Variants in PTPRO observed in about 807,000 individuals in gnomAD.
The protein encoded by PTPRO is protein tyrosine phosphatase receptor type O.
In PTPRO, 62 loss-of-function variants were observed where a neutral mutation model predicts 145.2. That is an observed-to-expected ratio of 0.43 (90% CI 0.35 to 0.53). The LOEUF (loss-of-function observed/expected upper bound fraction) is 0.53. Among genes scored for constraint, PTPRO ranks in the 20% least tolerant of loss-of-function variants. PTPRO has a pLI of 0.01. For missense variants in PTPRO, 1,345 were observed against 1,482.7 expected (o/e 0.91, Z 1.53); for synonymous variants, 565 against 514.7 (o/e 1.10, Z -1.32).
intron 8 of PTPRO, 124 bp from the exon 9 acceptor site, chr12:15,516,639 G>C (rs7965757): frequency 2.6e-6 from 2 of 767,292 alleles, no homozygotes; most frequent in African/African-American, 3.9e-5. Flanking sequence ...GGAAGGAAGG[G>C]AGGGAGGGAG....
intron 19 of PTPRO, 44 bp downstream of exon 19, chr12:15,569,542 C>A (rs371687596): frequency 3.3e-5 from 51 of 1,523,876 alleles, no homozygotes; most frequent in African/African-American, 4.1e-5. Flanking sequence ...ATGGAAAGGG[C>A]CTGGGAATTG....
intron 1 of PTPRO, among the ~76,000 whole-genome samples, chr12:15,391,196 C>T (rs1320670122): frequency 6.6e-6 from 1 of 152,162 alleles, no homozygotes; most frequent in Non-Finnish European, 1.5e-5. Context: ...CCATTCAGAT[C>T]CAAAATGCCT....
intron 1 of PTPRO, among the ~76,000 whole-genome samples, chr12:15,447,096 G>A (rs1940921008): frequency 6.6e-6 from 1 of 152,120 alleles, no homozygotes; most frequent in Non-Finnish European, 1.5e-5. Flanking sequence ...CCCTCCGCAA[G>A]AGGCTGCCTG....
chr12:15,592,111 C>T (rs904794233), intron 25 of PTPRO, among the ~76,000 whole-genome samples: 1 of 151,870 alleles, frequency 6.6e-6, no homozygotes, highest in Non-Finnish European at 1.5e-5. Flanking sequence ...ATGTCTAGAA[C>T]ATCTTCTTCA....
At chr12:15,453,748 C>T (rs1048145436) in intron 1 of PTPRO, among the ~76,000 whole-genome samples, 12 of 152,124 alleles carry the variant, frequency 7.9e-5, no homozygotes, top group Non-Finnish European at 7.4e-5. Context: ...TCTCTTCCCC[C>T]CAGCCTCTGG....
intron 1 of PTPRO, among the ~76,000 whole-genome samples, chr12:15,376,856 G>T (rs1938704791): frequency 6.6e-6 from 1 of 152,062 alleles, no homozygotes; most frequent in Non-Finnish European, 1.5e-5. Context: ...CTATCACATT[G>T]GGGGTATTTC....
intron 15 of PTPRO, among the ~76,000 whole-genome samples, chr12:15,554,457 A>G (rs1943563649): frequency 6.6e-6 from 1 of 151,948 alleles, no homozygotes; most frequent in Non-Finnish European, 1.5e-5. Context: ...ACATAGATAT[A>G]GGTATATGGG....
chr12:15,503,065 A>G (rs1469896136), intron 5 of PTPRO, among the ~76,000 whole-genome samples: 1 of 152,088 alleles, frequency 6.6e-6, no homozygotes, highest in East Asian at 1.9e-4. Context: ...GAAAATTCTT[A>G]ATTATTTGAG....
chr12:15,339,069 A>G (rs896160233), intron 1 of PTPRO, among the ~76,000 whole-genome samples: 3 of 152,200 alleles, frequency 2.0e-5, no homozygotes, highest in African/African-American at 7.2e-5. Context: ...TTATAAATGA[A>G]TGAGAAAGAG....
At chr12:15,587,188 T>C in intron 24 of PTPRO, 137 bp downstream of exon 24, 2 of 949,648 alleles carry the variant, frequency 2.1e-6, no homozygotes, top group South Asian at 3.0e-5. Context: ...TATGATTAAT[T>C]GATGTCTCAC....
chr12:15,455,476 A>G (rs1296264143), intron 1 of PTPRO, among the ~76,000 whole-genome samples: 2 of 152,174 alleles, frequency 1.3e-5, no homozygotes, highest in Admixed American at 1.3e-4. Flanking sequence ...CTTCCGGTCC[A>G]TGGTCCATGT....
intron 1 of PTPRO, among the ~76,000 whole-genome samples, chr12:15,335,134 C>T (rs144428683): frequency 6.1e-4 from 93 of 152,078 alleles, no homozygotes; most frequent in African/African-American, 1.6e-3. Flanking sequence ...GTTGTTACTG[C>T]CAAATACCAC....
intron 1 of PTPRO, among the ~76,000 whole-genome samples, chr12:15,368,640 A>G (rs1355813580): frequency 6.6e-6 from 1 of 152,224 alleles, no homozygotes; most frequent in African/African-American, 2.4e-5. Context: ...ATATAGATAA[A>G]TATGAAGTTT....
chr12:15,490,404 C>A (rs1941976291), intron 2 of PTPRO, among the ~76,000 whole-genome samples: 1 of 152,122 alleles, frequency 6.6e-6, no homozygotes, highest in South Asian at 2.1e-4. Flanking sequence ...CAGCCACACA[C>A]AATACATAAA....
chr12:15,567,858 G>A (rs771123386), intron 18 of PTPRO, among the ~76,000 whole-genome samples: 20 of 152,142 alleles, frequency 1.3e-4, no homozygotes, highest in African/African-American at 3.4e-4. Flanking sequence ...TCTCTTAGCC[G>A]TGGCTCTCTC....
At chr12:15,548,470 G>A (rs370202233) in intron 13 of PTPRO, among the ~76,000 whole-genome samples, 27 of 151,874 alleles carry the variant, frequency 1.8e-4, no homozygotes, top group African/African-American at 3.4e-4. Flanking sequence ...ATGTGTGTAC[G>A]TTCACACATA....
chr12:15,538,382 G>A (rs1329942969), intron 12 of PTPRO, among the ~76,000 whole-genome samples: 7 of 151,928 alleles, frequency 4.6e-5, no homozygotes, highest in South Asian at 2.1e-4. Flanking sequence ...GCACCACCAC[G>A]CCTGGCTAAT....
rs190146943 is a variant in PTPRO at position 15,574,174 on chromosome 12, T to C, written c.2829+4676T>C. 4.0e-3 allele frequency among the ~76,000 whole-genome samples: 602 copies of C among 152,340 alleles called. 5 individuals are homozygous for C. Among genetic ancestry groups the C allele is most frequent in the African/African-American group, 0.014 (579 of 41,584 alleles). On this transcript the variant is annotated intron_variant, in intron 19 of 26. Coordinates refer to ENST00000281171, the MANE Select transcript of PTPRO (RefSeq NM_030667.3). ...GCCATAAGTCATACATGAAGCTATA[T>C]GAGTTACTAATTTGTGTTTACTGAA... is the stretch of plus-strand genomic sequence containing the variant.
intron 1 of PTPRO, among the ~76,000 whole-genome samples, chr12:15,341,440 C>T (rs1866980803): frequency 6.6e-6 from 1 of 152,198 alleles, no homozygotes; most frequent in East Asian, 1.9e-4. Context: ...GGGAAGTGTA[C>T]TGCCATGACT....
Sources: allele counts gnomAD v4.1 joint callset (sites outside exome capture counted in the v4.1 genomes callset), GRCh38; gene constraint gnomAD v4.1.1; transcripts MANE v1.5; gene names NCBI Gene and HGNC (gene_info 2026-07-23, HGNC 2026-07-21).